Variants in CDHR3 observed in about 807,000 individuals in gnomAD.
CDHR3 encodes the protein cadherin related family member 3.
A neutral mutation model predicts 86.6 loss-of-function variants in CDHR3; 79 were observed. The observed-to-expected ratio is 0.91, with a 90% CI of 0.76 to 1.10. The LOEUF (loss-of-function observed/expected upper bound fraction) is 1.10, where lower values mean the gene tolerates loss of function less well. Ranked by LOEUF, CDHR3 falls within the 50% of genes least tolerant of loss-of-function variation. The pLI, the probability that CDHR3 is intolerant of heterozygous loss-of-function variation, is 0.00. For synonymous variants in CDHR3, 421 were observed against 402.4 expected (o/e 1.05, Z -0.55); for missense variants, 1,081 against 1,077.6 (o/e 1.00, Z -0.04).
At position 105,996,369 on chromosome 7, in the gene CDHR3, A is replaced by C. The variant is rs746180577; in HGVS notation, c.713+15A>C. On this transcript the variant is annotated intron_variant, in intron 6 of 18. Transcript: ENST00000317716. The stretch of plus-strand genomic sequence containing the variant: ...CGCTTTACCAGGTAGGCCTGAGGGC[A>C]TGCAGGACTCCCTGGGCCGCAGGTG... The C allele has an allele frequency of 3.0e-5, 45 of 1,507,850 alleles. No homozygotes were observed. The highest frequency in any genetic ancestry group is 4.0e-5 in the Non-Finnish European group (44 of 1,091,360). The allele number at this position is 1,507,850 out of a possible 1,614,324, so 93.4% of individuals were successfully genotyped here.
At chr7:106,016,576 G>A (rs527376194) in intron 11 of CDHR3, among the ~76,000 whole-genome samples, 18 of 151,960 alleles carry the variant, frequency 1.2e-4, no homozygotes, top group South Asian at 2.1e-4. Flanking sequence ...CCTCCCTCTC[G>A]CTCTCTCAGT....
At chr7:105,997,400 A>G (rs1585667707) in intron 6 of CDHR3, among the ~76,000 whole-genome samples, 1 of 152,114 alleles carries the variant, frequency 6.6e-6, no homozygotes, top group East Asian at 1.9e-4. Flanking sequence ...TTGACCCTCA[A>G]TTTATCTGCT....
At chr7:106,015,876 A>G (rs1273189585) in intron 10 of CDHR3, 51 bp from the exon 11 acceptor site, 2 of 1,282,432 alleles carry the variant, frequency 1.6e-6, no homozygotes, top group Admixed American at 1.9e-5. Context: ...TGAATAAACA[A>G]ATGGATGAGT....
At chr7:106,015,727 G>A in intron 10 of CDHR3, 200 bp from the exon 11 acceptor site, 2 of 612,270 alleles carry the variant, frequency 3.3e-6, no homozygotes, top group Non-Finnish European at 3.0e-6. Flanking sequence ...CCTACTCTGG[G>A]TTCTGTAGTG....
intron 6 of CDHR3, among the ~76,000 whole-genome samples, chr7:105,998,689 C>A (rs1046389747): frequency 6.6e-6 from 1 of 151,990 alleles, no homozygotes; most frequent in Admixed American, 6.6e-5. Flanking sequence ...GAAGCTGAGA[C>A]AGGAGAATCG....
chr7:105,987,945 C>T (rs1371758547), intron 4 of CDHR3, among the ~76,000 whole-genome samples: 1 of 152,212 alleles, frequency 6.6e-6, no homozygotes, highest in Non-Finnish European at 1.5e-5. Context: ...GGCTAGAGTA[C>T]ACTGGTGCAA....
intron 8 of CDHR3, among the ~76,000 whole-genome samples, chr7:106,007,679 C>A (rs983569182): frequency 6.6e-6 from 1 of 152,220 alleles, no homozygotes; most frequent in African/African-American, 2.4e-5. Context: ...ATATCATGAA[C>A]AGCATTTTGG....
intron 11 of CDHR3, among the ~76,000 whole-genome samples, chr7:106,017,359 C>G (rs1242444899): frequency 6.6e-6 from 1 of 152,060 alleles, no homozygotes; most frequent in Non-Finnish European, 1.5e-5. Flanking sequence ...GAGATCGAAA[C>G]CAGCCTGGCC....
intron 4 of CDHR3, among the ~76,000 whole-genome samples, chr7:105,987,446 A>G (rs540284820): frequency 4.6e-5 from 7 of 152,246 alleles, no homozygotes; most frequent in Non-Finnish European, 1.0e-4. Flanking sequence ...AGTTTAGGAC[A>G]TAACATATTA....
At chr7:106,001,134 T>G (rs1400102490) in intron 6 of CDHR3, among the ~76,000 whole-genome samples, 1 of 152,206 alleles carries the variant, frequency 6.6e-6, no homozygotes, top group Non-Finnish European at 1.5e-5. Context: ...GATAGCTGGA[T>G]AGGCCACCTG....
intron 4 of CDHR3, among the ~76,000 whole-genome samples, chr7:105,986,228 T>C (rs187443311): frequency 1.5e-4 from 23 of 152,350 alleles, no homozygotes; most frequent in Non-Finnish European, 2.6e-4. Flanking sequence ...CTATGGCCAC[T>C]TTTGCTTACT....
rs1279288055 is a variant in CDHR3 at position 106,004,412 on chromosome 7, G to A, written c.863-86G>A. ...TCTGCATAAGCTCTTCCTCATGTTC[G>A]AATGGTCTTTTCCAGTTTTCTCCAA... On this transcript the variant is annotated intron_variant, in intron 7 of 18. Coordinates refer to ENST00000317716, the MANE Select transcript of CDHR3 (RefSeq NM_152750.5). 1.6e-5 allele frequency: 17 copies of A among 1,040,724 alleles called. 1 individual carries two copies. The highest frequency in any genetic ancestry group is 6.2e-5 in the South Asian group (4 of 64,878). The allele number at this position is 1,040,724 out of a possible 1,614,324, so 64.5% of individuals were successfully genotyped here. A position where few individuals can be genotyped will look rare whatever the true frequency, so the allele number is the denominator to read the frequency against.
intron 6 of CDHR3, among the ~76,000 whole-genome samples, chr7:105,999,204 T>C (rs1023442742): frequency 6.6e-6 from 1 of 152,252 alleles, no homozygotes; most frequent in African/African-American, 2.4e-5. Context: ...GTGGTCTCCG[T>C]TGAATGATAT....
At chr7:106,028,693 AG>A in intron 17 of CDHR3, 111 bp downstream of exon 17, 2 of 1,199,738 alleles carry the variant, frequency 1.7e-6, no homozygotes, top group East Asian at 4.9e-5. Flanking sequence ...TCATTCAGGG[AG>A]GTGCTTGTGT....
At chr7:105,983,963 G>A (rs1052288940) in intron 3 of CDHR3, among the ~76,000 whole-genome samples, 1 of 152,192 alleles carries the variant, frequency 6.6e-6, no homozygotes, top group African/African-American at 2.4e-5. Context: ...GGACATGAAT[G>A]AAGACTTGGT....
intron 4 of CDHR3, 125 bp downstream of exon 4, chr7:105,984,414 C>CAAACACAGTGTATGCAG: frequency 5.2e-6 from 3 of 579,330 alleles, no homozygotes; most frequent in Non-Finnish European, 9.2e-6. Flanking sequence ...CGTCCACTTC[C>CAAACACAGTGTATGCAG]AAACACAGTG....
intron 4 of CDHR3, among the ~76,000 whole-genome samples, chr7:105,993,681 A>C (rs1831729449): frequency 1.5e-4 from 3 of 20,328 alleles, no homozygotes; most frequent in Admixed American, 4.9e-4. Flanking sequence ...GTCTCACAAA[A>C]AAAAAAAAAA....
intron 2 of CDHR3, among the ~76,000 whole-genome samples, chr7:105,975,370 T>TACA (rs1828646186): frequency 1.3e-5 from 2 of 151,970 alleles, no homozygotes; most frequent in Non-Finnish European, 2.9e-5. Flanking sequence ...TTCGGTGGAG[T>TACA]AGTTTGGATA....
intron 1 of CDHR3, among the ~76,000 whole-genome samples, chr7:105,969,384 CGAGA>C (rs1827555288): frequency 8.9e-6 from 1 of 112,576 alleles, no homozygotes; most frequent in Non-Finnish European, 1.7e-5. Flanking sequence ...TGGGCGACAG[CGAGA>C]CTCCGTCTCA....
Sources: gnomAD v4.1 joint callset for allele counts (sites outside exome capture counted in the v4.1 genomes callset) on GRCh38, gnomAD v4.1.1 for gene constraint, MANE v1.5 for transcripts, NCBI Gene and HGNC (gene_info 2026-07-23, HGNC 2026-07-21) for gene names.